Variants in NRXN1 observed in about 807,000 individuals in gnomAD.
NRXN1 encodes neurexin-1.
In NRXN1, 39 loss-of-function variants were observed where a neutral mutation model predicts 150.9. That is an observed-to-expected ratio of 0.26 (90% CI 0.20 to 0.34). NRXN1 has a LOEUF of 0.34. Ranked by LOEUF, NRXN1 falls within the 10% of genes least tolerant of loss-of-function variation. The probability of loss-of-function intolerance (pLI) is 1.00; values close to 1 mark genes in which losing one functional copy is unlikely to be tolerated. For missense variants in NRXN1, 1,815 were observed against 1,949.9 expected, an observed-to-expected ratio of 0.93 and a Z score of 1.30; for synonymous variants, 924 against 757.0, an observed-to-expected ratio of 1.22 and a Z score of -3.62.
At chr2:50,787,239 T>C (rs113123419) in intron 5 of NRXN1, among the ~76,000 whole-genome samples, 2 of 152,158 alleles carry the variant, frequency 1.3e-5, no homozygotes, top group African/African-American at 4.8e-5. Context: ...AATATCTCTC[T>C]GATGGGTCTC....
At chr2:50,954,509 A>G (rs1691948155) in intron 2 of NRXN1, among the ~76,000 whole-genome samples, 1 of 152,200 alleles carries the variant, frequency 6.6e-6, no homozygotes, top group Admixed American at 6.5e-5. Context: ...ATTAGGGCAT[A>G]GACAGACTCA....
chr2:50,794,233 T>G (rs1380721882), intron 5 of NRXN1, among the ~76,000 whole-genome samples: 1 of 152,108 alleles, frequency 6.6e-6, no homozygotes, highest in Non-Finnish European at 1.5e-5. Context: ...AGAGTGACCT[T>G]GTTTCAAGGT....
intron 18 of NRXN1, among the ~76,000 whole-genome samples, chr2:50,143,514 G>T (rs570049725): frequency 6.6e-6 from 1 of 151,880 alleles, no homozygotes; most frequent in Non-Finnish European, 1.5e-5. Context: ...CAAGGGAAAC[G>T]ATATGTAACT....
intron 8 of NRXN1, among the ~76,000 whole-genome samples, chr2:50,566,300 G>A (rs558047679): frequency 6.6e-6 from 1 of 152,094 alleles, no homozygotes; most frequent in Admixed American, 6.5e-5. Flanking sequence ...CTGGAGTACA[G>A]TGGCATGATC....
intron 12 of NRXN1, among the ~76,000 whole-genome samples, chr2:50,509,790 G>A (rs940952117): frequency 2.0e-5 from 3 of 152,110 alleles, no homozygotes; most frequent in Non-Finnish European, 4.4e-5. Context: ...CTTTCTCCCT[G>A]CATCAATGTA....
chr2:50,836,889 T>C (rs957429222), intron 5 of NRXN1, among the ~76,000 whole-genome samples: 24 of 143,502 alleles, frequency 1.7e-4, no homozygotes, highest in Non-Finnish European at 2.3e-4. Context: ...GCAGCATCAA[T>C]AGAAACCAAT....
intron 5 of NRXN1, among the ~76,000 whole-genome samples, chr2:50,846,556 C>T (rs1673683567): frequency 6.6e-6 from 1 of 151,872 alleles, no homozygotes; most frequent in South Asian, 2.1e-4. Context: ...AATATGGTGG[C>T]AATAAATAGA....
At chr2:50,444,354 G>C (rs544086460) in intron 17 of NRXN1, among the ~76,000 whole-genome samples, 1 of 152,182 alleles carries the variant, frequency 6.6e-6, no homozygotes, top group East Asian at 1.9e-4. Flanking sequence ...TTAACTCCCT[G>C]GTTGTGATTA....
intron 19 of NRXN1, among the ~76,000 whole-genome samples, chr2:50,080,238 C>T (rs1697742938): frequency 6.6e-6 from 1 of 152,092 alleles, no homozygotes; most frequent in Non-Finnish European, 1.5e-5. Flanking sequence ...GCCACATTCG[C>T]AGAACTTTTA....
intron 5 of NRXN1, among the ~76,000 whole-genome samples, chr2:50,889,045 T>A (rs1157105645): frequency 6.6e-6 from 1 of 151,730 alleles, no homozygotes; most frequent in Non-Finnish European, 1.5e-5. Context: ...AATCTAACCT[T>A]AACACAGACA....
intron 17 of NRXN1, among the ~76,000 whole-genome samples, chr2:50,260,221 T>C (rs1308172627): frequency 6.6e-6 from 1 of 151,892 alleles, no homozygotes; most frequent in Non-Finnish European, 1.5e-5. Flanking sequence ...ATGATGCCTT[T>C]AGGAAAATAG....
At chr2:50,219,182 C>G (rs1294775303) in intron 18 of NRXN1, among the ~76,000 whole-genome samples, 1 of 151,990 alleles carries the variant, frequency 6.6e-6, no homozygotes, top group African/African-American at 2.4e-5. Context: ...ACAGGTACGT[C>G]TAGCTTTCCT....
At chr2:50,933,486 T>C (rs1183222974) in intron 2 of NRXN1, among the ~76,000 whole-genome samples, 2 of 152,100 alleles carry the variant, frequency 1.3e-5, no homozygotes, top group East Asian at 1.9e-4. Context: ...CTAAATACTA[T>C]ACAAACTGCA....
intron 2 of NRXN1, among the ~76,000 whole-genome samples, chr2:50,994,887 C>T (rs1440782928): frequency 6.6e-6 from 1 of 151,866 alleles, no homozygotes; most frequent in African/African-American, 2.4e-5. Flanking sequence ...AACGGTGATG[C>T]AATTACACTG....
At chr2:50,581,957 G>A (rs973159197) in intron 8 of NRXN1, among the ~76,000 whole-genome samples, 10 of 152,048 alleles carry the variant, frequency 6.6e-5, no homozygotes, top group African/African-American at 1.9e-4. Context: ...AAGCTATGCC[G>A]TATACATAGT....
intron 21 of NRXN1, among the ~76,000 whole-genome samples, chr2:50,018,412 A>G (rs1686993318): frequency 6.6e-6 from 1 of 152,182 alleles, no homozygotes; most frequent in African/African-American, 2.4e-5. Context: ...ATGGGGGACC[A>G]ATGGAATATT....
intron 17 of NRXN1, among the ~76,000 whole-genome samples, chr2:50,461,864 T>C (rs2088258941): frequency 6.6e-6 from 1 of 151,960 alleles, no homozygotes; most frequent in South Asian, 2.1e-4. Flanking sequence ...AAGAATGCAT[T>C]CCAGGTGGAA....
intron 17 of NRXN1, among the ~76,000 whole-genome samples, chr2:50,416,416 C>G (rs1351504708): frequency 6.6e-6 from 1 of 152,108 alleles, no homozygotes; most frequent in East Asian, 1.9e-4. Context: ...CTACCAGTCC[C>G]AGGTGACCTC....
At chr2:50,880,727 T>C (rs2103682126) in intron 5 of NRXN1, among the ~76,000 whole-genome samples, 1 of 152,092 alleles carries the variant, frequency 6.6e-6, no homozygotes, top group South Asian at 2.1e-4. Flanking sequence ...CATAAATAAA[T>C]GGAGTTTGAC....
Sources: allele counts gnomAD v4.1 joint callset (sites outside exome capture counted in the v4.1 genomes callset), GRCh38; gene constraint gnomAD v4.1.1; transcripts MANE v1.5; gene names NCBI Gene and HGNC (gene_info 2026-07-23, HGNC 2026-07-21).